NSUN6: variants seen among roughly 807,000 people sequenced by gnomAD.
NSUN6 encodes the protein tRNA (cytosine(72)-C(5))-methyltransferase NSUN6.
NSUN6 carries 64 observed loss-of-function variants against 58.0 expected under a neutral mutation model. The ratio of observed to expected loss-of-function variants is 1.10; its 90% confidence interval spans 0.90 to 1.36. NSUN6 has a LOEUF of 1.36. Among genes scored for constraint, NSUN6 ranks in the 40% most tolerant of loss-of-function variants. The pLI is 0.00. For missense variants in NSUN6, 701 were observed against 550.1 expected (o/e 1.27, Z -2.74); for synonymous variants, 231 against 193.9 (o/e 1.19, Z -1.59).
upstream of NSUN6, chr10:18,651,604 C>T: frequency 1.0e-6 from 1 of 987,706 alleles, no homozygotes; most frequent in Non-Finnish European, 1.2e-6. Context: ...CAAACACGCG[C>T]CCCCTATTTC....
At chr10:18,550,879 C>G (rs1243391991) in intron 9 of NSUN6, among the ~76,000 whole-genome samples, 5 of 152,028 alleles carry the variant, frequency 3.3e-5, no homozygotes, top group Admixed American at 6.6e-5. Flanking sequence ...CGCCCACAAC[C>G]ACACCCAGCT....
intron 8 of NSUN6, among the ~76,000 whole-genome samples, chr10:18,568,202 C>A (rs960020811): frequency 2.0e-5 from 3 of 151,034 alleles, no homozygotes; most frequent in Admixed American, 6.6e-5. Flanking sequence ...CCACAAAATT[C>A]ACCATTCCAT....
At chr10:18,611,411 T>C (rs1259642809) in intron 5 of NSUN6, among the ~76,000 whole-genome samples, 1 of 149,324 alleles carries the variant, frequency 6.7e-6, no homozygotes, top group Non-Finnish European at 1.5e-5. Context: ...GTGTGTACTC[T>C]ATCTAATGTT....
At chr10:18,596,424 A>G (rs2057589663) in intron 6 of NSUN6, 97 bp from the exon 7 acceptor site, 1 of 737,032 alleles carries the variant, frequency 1.4e-6, no homozygotes, top group Non-Finnish European at 2.3e-6. Context: ...GTAATCCACT[A>G]CAGCATCCTC....
intron 3 of NSUN6, among the ~76,000 whole-genome samples, chr10:18,625,594 T>C (rs1274764711): frequency 1.3e-5 from 2 of 151,622 alleles, no homozygotes; most frequent in African/African-American, 4.9e-5. Context: ...GCACCTGTAA[T>C]CCCAGCTACT....
At chr10:18,631,234 G>T (rs1483832481) in intron 3 of NSUN6, among the ~76,000 whole-genome samples, 1 of 150,836 alleles carries the variant, frequency 6.6e-6, no homozygotes, top group African/African-American at 2.4e-5. Flanking sequence ...CAATAAATTA[G>T]GTATTGATGG....
intron 7 of NSUN6, among the ~76,000 whole-genome samples, chr10:18,589,460 A>ATCTC (rs2057297632): frequency 6.6e-6 from 1 of 152,288 alleles, no homozygotes; most frequent in Non-Finnish European, 1.5e-5. Context: ...CCCAAGACAC[A>ATCTC]TAATCAGATT....
chr10:18,592,456 C>T (rs1210960491), intron 7 of NSUN6, among the ~76,000 whole-genome samples: 2 of 152,198 alleles, frequency 1.3e-5, no homozygotes, highest in African/African-American at 4.8e-5. Flanking sequence ...CATCATGCTA[C>T]CTGACTTCAA....
intron 8 of NSUN6, among the ~76,000 whole-genome samples, chr10:18,559,431 A>G (rs575248791): frequency 6.6e-6 from 1 of 150,692 alleles, no homozygotes; most frequent in South Asian, 2.1e-4. Flanking sequence ...AATGGAATGG[A>G]GAATGGAACA....
Position 18,594,722 on chromosome 10 carries a change from G to C in NSUN6, c.777+1486C>G, listed in dbSNP as rs566100240. Among the ~76,000 whole-genome samples the C allele has an allele frequency of 7.2e-5, 11 of 152,194 alleles. No homozygotes were observed. In the South Asian group the frequency reaches 2.3e-3, roughly 32 times the overall value. ...TGGCTCAAATATTTCTATTCCGGTT[G>C]TTCGTGTCTGCATTGCTGCCCCACT... On this transcript the variant is annotated intron_variant, in intron 7 of 10. Coordinates refer to ENST00000377304, the MANE Select transcript of NSUN6 (RefSeq NM_182543.5).
At chr10:18,618,677 C>T (rs1040913188) in intron 3 of NSUN6, among the ~76,000 whole-genome samples, 17 of 125,614 alleles carry the variant, frequency 1.4e-4, no homozygotes, top group African/African-American at 4.9e-4. Context: ...AGCAAAACTC[C>T]ATCTCAAAAA....
intron 2 of NSUN6, among the ~76,000 whole-genome samples, chr10:18,647,333 C>G (rs896540184): frequency 1.3e-5 from 2 of 152,140 alleles, no homozygotes; most frequent in African/African-American, 4.8e-5. Context: ...AGAAATGAGT[C>G]TGCTGACACC....
intron 3 of NSUN6, among the ~76,000 whole-genome samples, chr10:18,626,846 T>C (rs2058827600): frequency 6.6e-6 from 1 of 152,176 alleles, no homozygotes. Flanking sequence ...TTTCAAGAGA[T>C]TTATGCTGTT....
chr10:18,640,916 C>G lies in NSUN6; in HGVS notation c.311+1560G>C, dbSNP rs539166641. ...AAATTTCCTTTTATTTCCCCCCTCT[C>G]TCCCAATCTAATTTCCTCAGAGTTA... On this transcript the variant is annotated intron_variant, in intron 3 of 10. Coordinates refer to ENST00000377304, the MANE Select transcript of NSUN6 (RefSeq NM_182543.5). 3.3e-5 allele frequency among the ~76,000 whole-genome samples: 5 copies of G among 150,946 alleles called. No individual in the cohort carries two copies. In the South Asian group the frequency reaches 1.0e-3, roughly 31 times the overall value.
intron 1 of NSUN6, among the ~76,000 whole-genome samples, 163 bp from the exon 2 acceptor site, chr10:18,648,808 AC>A (rs1424063284): frequency 6.6e-6 from 1 of 152,366 alleles, no homozygotes; most frequent in East Asian, 1.9e-4. Context: ...AAATAGTAAT[AC>A]TTCACGGGGT....
intron 5 of NSUN6, among the ~76,000 whole-genome samples, chr10:18,612,778 A>G (rs929521545): frequency 6.6e-6 from 1 of 152,234 alleles, no homozygotes; most frequent in Non-Finnish European, 1.5e-5. Flanking sequence ...GTTTCTTTAA[A>G]AAATACTTTT....
At chr10:18,556,315 G>GAATGGAATGGAATAGAT (rs2055017043) in intron 8 of NSUN6, among the ~76,000 whole-genome samples, 1 of 151,592 alleles carries the variant, frequency 6.6e-6, no homozygotes, top group Non-Finnish European at 1.5e-5. Context: ...ATGCAATGGA[G>GAATGGAATGGAATAGAT]AATGGAATGG....
intron 9 of NSUN6, among the ~76,000 whole-genome samples, chr10:18,551,041 TA>T (rs988247645): frequency 3.3e-5 from 5 of 152,036 alleles, no homozygotes; most frequent in African/African-American, 4.8e-5. Flanking sequence ...TCTATTTTTT[TA>T]AAAAAAAGAG....
intron 8 of NSUN6, among the ~76,000 whole-genome samples, chr10:18,577,422 G>A (rs12258306): frequency 0.026 from 3,944 of 152,120 alleles, 167 homozygotes; most frequent in African/African-American, 0.089. Flanking sequence ...TACTTCCCTC[G>A]CAGCCGTAAT....
Sources: gnomAD v4.1 joint callset for allele counts (sites outside exome capture counted in the v4.1 genomes callset) on GRCh38, gnomAD v4.1.1 for gene constraint, MANE v1.5 for transcripts, NCBI Gene and HGNC (gene_info 2026-07-23, HGNC 2026-07-21) for gene names.